The following KRTAP4-6 variants were observed in gnomAD, a reference collection of about 807,000 sequenced individuals.
The protein encoded by KRTAP4-6 is keratin associated protein 4-6.
Under a neutral mutation model 3.6 loss-of-function variants are expected in KRTAP4-6, and 1 was observed. The observed-to-expected ratio is 0.28, with a 90% CI of 0.10 to 1.32. The LOEUF (loss-of-function observed/expected upper bound fraction) is 1.32, where lower values mean the gene tolerates loss of function less well. Among genes scored for constraint, KRTAP4-6 ranks in the 40% most tolerant of loss-of-function variants. The pLI is 0.45. For missense variants in KRTAP4-6, 275 were observed against 280.3 expected, an observed-to-expected ratio of 0.98 and a Z score of 0.14; for synonymous variants, 97 against 96.7, an observed-to-expected ratio of 1.00 and a Z score of -0.02.
chr17:41,140,427 A>G lies in KRTAP4-6; in HGVS notation c.61T>C (p.Cys21Arg), dbSNP rs533524518. 3.4e-3 allele frequency: 5,437 copies of G among 1,614,128 alleles called. 23 individuals carry two copies. The highest frequency in any genetic ancestry group is 0.012 in the Middle Eastern group (71 of 6,062). ...GTGGTCTGACAGCAGCTGGGGCGGC[A>G]GCAGGTCTCCAGGCCACAGCCCTGG... The change falls in exon 1 of 1, where the codon TGC becomes CGC. Residue 21 changes from cysteine (C) to arginine (R), a missense_variant. Transcript: ENST00000345847.
chr17:41,139,606 G>C, exon 1 of KRTAP4-6: 1 of 574,772 alleles, frequency 1.7e-6, no homozygotes, highest in Non-Finnish European at 2.9e-6. Context: ...AGAAGAACTT[G>C]GTATCCATAA....
At chr17:41,139,902 G>A (rs1167440261) in exon 1 of KRTAP4-6, 7 of 1,595,914 alleles carry the variant, frequency 4.4e-6, no homozygotes, top group South Asian at 2.3e-5. Flanking sequence ...CACAAGGGAC[G>A]GGGGCAGGTG....
At chr17:41,140,229 A>G (rs1404943614) in exon 1 of KRTAP4-6, 2 of 1,593,640 alleles carry the variant, frequency 1.3e-6, no homozygotes, top group Non-Finnish European at 8.6e-7. Flanking sequence ...CAGCAGCTGG[A>G]TACACAGCAG....
exon 1 of KRTAP4-6, chr17:41,139,978 G>A (rs2014668308): frequency 1.9e-6 from 3 of 1,609,116 alleles, no homozygotes; most frequent in South Asian, 2.2e-5. Flanking sequence ...CTGGACGCAG[G>A]CAGCAGCAGG....
exon 1 of KRTAP4-6, chr17:41,140,201 T>A: frequency 1.9e-6 from 3 of 1,582,560 alleles, no homozygotes; most frequent in Non-Finnish European, 2.6e-6. Context: ...GCACACAGAC[T>A]GGCAGCACTG....
At chr17:41,140,488 G>A (rs1489182879), upstream of KRTAP4-6, 1 of 1,608,818 alleles carries the variant, frequency 6.2e-7, no homozygotes, top group South Asian at 1.1e-5. Context: ...AGCTGACCAT[G>A]GTGTCAGAGG....
exon 1 of KRTAP4-6, chr17:41,139,954 G>A: frequency 6.2e-7 from 1 of 1,607,752 alleles, no homozygotes; most frequent in Non-Finnish European, 8.5e-7. Flanking sequence ...TGTGGCAGGA[G>A]ACTCGGCCAC....
At chr17:41,140,460 A>G in exon 1 of KRTAP4-6, 4 of 1,613,720 alleles carry the variant, frequency 2.5e-6, no homozygotes, top group South Asian at 1.1e-5. Context: ...TGGTCAGAGC[A>G]GACGGAACCA....
chr17:41,139,603 C>T (rs890311077), exon 1 of KRTAP4-6: 8 of 570,430 alleles, frequency 1.4e-5, no homozygotes, highest in South Asian at 2.9e-5. Context: ...GACAGAAGAA[C>T]TTGGTATCCA....
chr17:41,140,342 T>G lies in KRTAP4-6; in HGVS notation c.146A>C (p.Gln49Pro), dbSNP rs1335055447. 6 of 1,611,406 alleles carry G rather than the reference T, an allele frequency of 3.7e-6. No individual in the cohort carries two copies. In the South Asian group the frequency reaches 5.5e-5, roughly 15 times the overall value. The change falls in exon 1 of 1, where the codon CAG (glutamine) becomes CCG (proline). Residue 49 changes from glutamine to proline, a missense_variant. Physicochemically the swap from Gln to Pro is moderately conservative, Grantham distance 76 (BLOSUM62 -1). Coordinates refer to ENST00000345847, the Ensembl canonical transcript of KRTAP4-6. Reference sequence around the variant, plus strand: ...CTGGCAGCACACAGACTGGCAGCACTGGGGTCTGCAGCAGCTGGACACACA... The same window carrying G: ...CTGGCAGCACACAGACTGGCAGCACGGGGGTCTGCAGCAGCTGGACACACA...
At chr17:41,139,987 G>A in exon 1 of KRTAP4-6, 1 of 1,610,012 alleles carries the variant, frequency 6.2e-7, no homozygotes, top group Non-Finnish European at 8.5e-7. Flanking sequence ...GGCAGCAGCA[G>A]GGGCGGCAGC....
In KRTAP4-6 at chr17:41,140,276, T is replaced by C. The variant is rs560130929; in HGVS notation, c.212A>G (p.Gln71Arg). 1.1e-4 allele frequency: 167 copies of C among 1,588,102 alleles called. 1 individual carries two copies. In the African/African-American group the frequency reaches 2.1e-3, roughly 20 times the overall value. ...GCAGGTGGTCCTGCAGCAGGTGGTC[T>C]GACAGCAGCTGGGACAGCAGCTGGG... The change falls in exon 1 of 1, where the codon CAG becomes CGG. Residue 71 changes from glutamine (Q) to arginine (R), a missense_variant. Gln to Arg is a conservative substitution (Grantham distance 43). Transcript: ENST00000345847.
chr17:41,140,063 G>A (rs372563435), exon 1 of KRTAP4-6: 5 of 1,602,280 alleles, frequency 3.1e-6, no homozygotes, highest in Non-Finnish European at 4.3e-6. Flanking sequence ...GCAGCAGCTG[G>A]GACGGCAGCA....
In KRTAP4-6 at chr17:41,140,463, C is replaced by G. The variant is rs73983173; in HGVS notation, c.25G>C (p.Val9Leu). Residue 9 changes from valine to leucine, a missense_variant, in exon 1 of 1, where the codon GTC becomes CTC. By Grantham distance (32) the Val-to-Leu change is conservative. Transcript: ENST00000345847. ...AGGCCACAGCCCTGGTCAGAGCAGA[C>G]GGAACCACAACAGGAGCTGACCATG... is the stretch of plus-strand genomic sequence containing the variant. The G allele has an allele frequency of 9.6e-4, 1,556 of 1,613,480 alleles. 15 individuals carry two copies. In the African/African-American group the frequency reaches 0.018, roughly 19 times the overall value.
exon 1 of KRTAP4-6, chr17:41,139,679 A>T: frequency 1.1e-6 from 1 of 884,810 alleles, no homozygotes. Flanking sequence ...ATAATATCTA[A>T]TTTCACACTT....
In KRTAP4-6 at chr17:41,139,974, G is replaced by T. The variant is rs749215184; in HGVS notation, c.514C>A (p.Arg172Ser). 5.0e-6 allele frequency: 8 copies of T among 1,610,084 alleles called. No individual in the cohort carries two copies. The highest frequency in any genetic ancestry group is 1.7e-5 in the Admixed American group (1 of 58,964). ...CAGGAGACTCGGCCACAGACTGGAC[G>T]CAGGCAGCAGCAGGGGCGGCAGCAG... Residue 172 changes from arginine to serine, a missense_variant, in exon 1 of 1, where the codon CGT becomes AGT. Arg to Ser is a moderately radical substitution (Grantham distance 110). Transcript: ENST00000345847.
At chr17:41,140,391 T>G (rs1405617106) in exon 1 of KRTAP4-6, 1 of 1,612,848 alleles carries the variant, frequency 6.2e-7, no homozygotes, top group South Asian at 1.1e-5. Flanking sequence ...CAGCAGGTGG[T>G]CCTGCAGCAG....
chr17:41,140,264 C>T, exon 1 of KRTAP4-6: 2 of 1,601,650 alleles, frequency 1.2e-6, no homozygotes, highest in Non-Finnish European at 1.7e-6. Flanking sequence ...GGTGGTCCTG[C>T]AGCAGGTGGT....
chr17:41,140,375 G>A, exon 1 of KRTAP4-6: 1 of 1,613,962 alleles, frequency 6.2e-7, no homozygotes. Context: ...ACAGCAGCTG[G>A]GGCGGCAGCA....
Sources: gnomAD v4.1 joint callset for allele counts on GRCh38, gnomAD v4.1.1 for gene constraint, MANE v1.5 for transcripts, NCBI Gene and HGNC (gene_info 2026-07-23, HGNC 2026-07-21) for gene names.